The following FAM240C variants were observed in gnomAD, a reference collection of about 807,000 sequenced individuals.
FAM240C encodes family with sequence similarity 240 member C.
In FAM240C, 14 loss-of-function variants were observed where a neutral mutation model predicts 10.0. The ratio of observed to expected loss-of-function variants is 1.40; its 90% CI spans 0.92 to 2.19. The LOEUF is 2.19. FAM240C is among the 30% of genes most tolerant of loss of function. The pLI is 0.00. For synonymous variants in FAM240C, 49 were observed against 44.3 expected (o/e 1.11, Z -0.42); for missense variants, 154 against 122.3 (o/e 1.26, Z -1.22).
rs1701946449 is a variant in FAM240C at position 241,900,127 on chromosome 2, G to C, written c.12+231C>G. Among the ~76,000 whole-genome samples the C allele has an allele frequency of 6.6e-6, 1 of 152,152 alleles. No individual in the cohort carries two copies. The highest frequency in any genetic ancestry group is 1.9e-4 in the East Asian group (1 of 5,184). On this transcript the variant is annotated intron_variant, in intron 1 of 2. Transcript: ENST00000404031. This position sits in a 1 kb window ranked among gnomAD's most constrained non-coding sequence, Gnocchi z 4.5. ...ATGACAACAACAGACACACAAAGGG[G>C]TGCGTGTTGTGAGGCAGGTGATGGA...
At chr2:241,897,399 T>C in intron 1 of FAM240C, 65 bp from the exon 2 acceptor site, 1 of 1,514,542 alleles carries the variant, frequency 6.6e-7, no homozygotes, top group Middle Eastern at 1.7e-4. Flanking sequence ...GAGTTTGTGC[T>C]CCAGCACCCG....
At position 241,900,243 on chromosome 2, in the gene FAM240C, G is replaced by A; in HGVS notation, c.12+115C>T. ...TCAGTTCCCCCAGCGAAATGCGGGT[G>A]GGCTCACGTCTTGTGCCAGATATGT... On this transcript the variant is annotated intron_variant, in intron 1 of 2. Transcript: ENST00000404031. This position sits in a 1 kb window ranked among gnomAD's most constrained non-coding sequence, Gnocchi z 4.5. 1 of 665,836 alleles carries A rather than the reference G, an allele frequency of 1.5e-6. No homozygotes were observed. Among genetic ancestry groups the A allele is most frequent in the African/African-American group, 1.8e-5 (1 of 55,768 alleles). The allele number at this position is 665,836 out of a possible 1,614,324, so 41.2% of individuals were successfully genotyped here.
chr2:241,901,407 G>A (rs747229757), upstream of FAM240C, among the ~76,000 whole-genome samples: 1 of 152,202 alleles, frequency 6.6e-6, no homozygotes, highest in Non-Finnish European at 1.5e-5. This position sits in a 1 kb window ranked among gnomAD's most constrained non-coding sequence, Gnocchi z 4.9. Context: ...TCAGGTGAAA[G>A]CTTTTGGGAA....
rs187832199 is a variant in FAM240C, at chr2:241,899,815, C to T, written c.12+543G>A. Among the ~76,000 whole-genome samples, 719 of 152,306 alleles carry T rather than the reference C, an allele frequency of 4.7e-3. 5 individuals carry two copies. Among genetic ancestry groups the T allele is most frequent in the African/African-American group, 0.017 (694 of 41,572 alleles). On this transcript the variant is annotated intron_variant, in intron 1 of 2. Coordinates refer to ENST00000404031, the MANE Select transcript of FAM240C (RefSeq NM_001382368.1). ...GGGCGCGGTGGCTCAGGCCTGGAAT[C>T]CCAGCACTGTGGGAGGCCGAGGCGG...
intron 1 of FAM240C, among the ~76,000 whole-genome samples, chr2:241,897,896 A>G (rs28520318): frequency 0.33 from 49,543 of 152,018 alleles, 8,998 homozygotes; most frequent in African/African-American, 0.49. Context: ...CACCATGCCC[A>G]GCTAATTTTT....
chr2:241,900,991 G>A (rs1396426663), upstream of FAM240C, among the ~76,000 whole-genome samples: 1 of 152,114 alleles, frequency 6.6e-6, no homozygotes, highest in East Asian at 1.9e-4. This position sits in a 1 kb window ranked among gnomAD's most constrained non-coding sequence, Gnocchi z 4.5. Flanking sequence ...CTCTGAGGGA[G>A]GTTGGTGTAA....
chr2:241,897,261 C>A lies in FAM240C; in HGVS notation c.86G>T (p.Trp29Leu). Residue 29 changes from tryptophan (W) to leucine (L), a missense_variant, in exon 2 of 3, where the codon TGG becomes TTG. By Grantham distance (61) the Trp-to-Leu change is moderately conservative. Coordinates refer to ENST00000404031, the MANE Select transcript of FAM240C (RefSeq NM_001382368.1). The stretch of plus-strand genomic sequence containing the variant: ...TGCGTGATGCTCGATTTTTTTCTCC[C>A]AAAACATCTTTATCCCGCCTGAATC... ...AYDSGGIKMF[W>L]EKKIEHHARH... 1 of 1,549,912 alleles carries A rather than the reference C, an allele frequency of 6.5e-7. No individual in the cohort carries two copies.
chr2:241,894,573 T>TGG (rs66905902), intron 2 of FAM240C, among the ~76,000 whole-genome samples: 2 of 70,498 alleles, frequency 2.8e-5, no homozygotes, highest in African/African-American at 5.4e-5. Context: ...CAGTGGTTGG[T>TGG]GGGGGGGGGG....
intron 2 of FAM240C, among the ~76,000 whole-genome samples, chr2:241,895,772 G>A (rs1249920614): frequency 3.3e-5 from 5 of 152,160 alleles, no homozygotes; most frequent in African/African-American, 9.7e-5. Flanking sequence ...AGAAGGCAGC[G>A]TGGACACACA....
intron 1 of FAM240C, among the ~76,000 whole-genome samples, chr2:241,899,841 G>A (rs1196933721): frequency 6.6e-6 from 1 of 152,320 alleles, no homozygotes; most frequent in East Asian, 1.9e-4. Flanking sequence ...GCCGAGGCGG[G>A]CGGATCACGA....
intron 2 of FAM240C, 26 bp downstream of exon 2, chr2:241,897,160 C>G (rs747397238): frequency 1.7e-5 from 26 of 1,547,888 alleles, no homozygotes; most frequent in Non-Finnish European, 2.2e-5. Context: ...ATAGGGGTCC[C>G]CGATGCACTG....
intron 1 of FAM240C, among the ~76,000 whole-genome samples, chr2:241,897,685 C>T (rs1701886599): frequency 6.6e-6 from 1 of 152,250 alleles, no homozygotes; most frequent in Non-Finnish European, 1.5e-5. Flanking sequence ...GCAGTCCCAC[C>T]AGCGAGGTGA....
chr2:241,897,242 A>T lies in FAM240C; in HGVS notation c.105T>A (p.His35Gln). 6.5e-7 allele frequency: 1 copy of T among 1,549,948 alleles called. No individual in the cohort carries two copies. The highest frequency in any genetic ancestry group is 8.7e-7 in the Non-Finnish European group (1 of 1,146,552). The change falls in exon 2 of 3, where the codon CAT becomes CAA. Residue 35 changes from histidine to glutamine, a missense_variant. By Grantham distance (24) the His-to-Gln change is conservative. Transcript: ENST00000404031. ...CCTCGTTCTGCAGGTGTCTTGCGTG[A>T]TGCTCGATTTTTTTCTCCCAAAACA... ...IKMFWEKKIE[H>Q]HARHLQNEDI...
At chr2:241,895,452 G>A (rs902674278) in intron 2 of FAM240C, among the ~76,000 whole-genome samples, 3 of 152,218 alleles carry the variant, frequency 2.0e-5, no homozygotes, top group Non-Finnish European at 2.9e-5. Flanking sequence ...CAGGGGCTGC[G>A]AATGGCCGGT....
At chr2:241,897,408 C>T (rs1030072911) in intron 1 of FAM240C, 74 bp from the exon 2 acceptor site, 15 of 1,493,438 alleles carry the variant, frequency 1.0e-5, no homozygotes, top group East Asian at 7.4e-5. Context: ...CTCCAGCACC[C>T]GGATGGCAGA....
Position 241,897,250 on chromosome 2 carries a change from T to C in FAM240C, c.97A>G (p.Ile33Val). 1 of 1,549,876 alleles carries C rather than the reference T, an allele frequency of 6.5e-7. No individual in the cohort carries two copies. Reference protein sequence around the residue: ...GGIKMFWEKKIEHHARHLQNE... With the variant: ...GGIKMFWEKKVEHHARHLQNE... ...TGCAGGTGTCTTGCGTGATGCTCGA[T>C]TTTTTTCTCCCAAAACATCTTTATC... The change falls in exon 2 of 3, where the codon ATC (isoleucine) becomes GTC (valine). Residue 33 changes from isoleucine to valine, a missense_variant. Coordinates refer to ENST00000404031, the MANE Select transcript of FAM240C (RefSeq NM_001382368.1).
At chr2:241,900,534 G>C, upstream of FAM240C, 1 of 622,068 alleles carries the variant, frequency 1.6e-6, no homozygotes, top group South Asian at 1.9e-5. This position sits in a 1 kb window ranked among gnomAD's most constrained non-coding sequence, Gnocchi z 4.5. Flanking sequence ...CTCTGTCTGG[G>C]CACCGTCCCT....
Position 241,894,214 on chromosome 2 carries a change from C to G in FAM240C, c.287G>C (p.Ter96SerextTer46), listed in dbSNP as rs754703849. ...GCAGAGTCTGGAGCTCGTGGGCCCT[C>G]AGGCCGCCTTCTTGTCCTTGGTGTG... ...SLHTKDKKAA[*>S] is the part of the protein sequence containing the mutation. Residue 96 changes from the stop codon to serine, a stop_lost, in exon 3 of 3, where the codon TGA (stop) becomes TCA (serine). Transcript: ENST00000404031. The G allele has an allele frequency of 4.0e-4, 622 of 1,548,922 alleles. 3 individuals are homozygous for G. Among genetic ancestry groups the G allele is most frequent in the Middle Eastern group, 6.7e-4 (4 of 6,010 alleles).
chr2:241,895,726 C>G (rs1701779108), intron 2 of FAM240C, among the ~76,000 whole-genome samples: 1 of 152,180 alleles, frequency 6.6e-6, no homozygotes, highest in Non-Finnish European at 1.5e-5. Flanking sequence ...AACGCTGGTG[C>G]CTGCCTTGGA....
Sources: allele counts gnomAD v4.1 joint callset (sites outside exome capture counted in the v4.1 genomes callset), GRCh38; gene constraint gnomAD v4.1.1; non-coding constraint Gnocchi (gnomAD v3.1); transcripts MANE v1.5; gene names NCBI Gene and HGNC (gene_info 2026-07-23, HGNC 2026-07-21).